ITGA4: variants seen among roughly 807,000 people sequenced by gnomAD.
The protein encoded by ITGA4 is integrin alpha-4.
A neutral mutation model predicts 133.6 loss-of-function variants in ITGA4; 63 were observed. The observed-to-expected ratio is 0.47, with a 90% CI of 0.38 to 0.58. ITGA4 has a LOEUF of 0.58. ITGA4 is among the 20% of genes least tolerant of loss of function. The pLI is 0.00. For synonymous variants in ITGA4, 483 were observed against 438.0 expected (o/e 1.10, Z -1.28); for missense variants, 1,076 against 1,252.7 (o/e 0.86, Z 2.13).
rs1483470403 is a variant in ITGA4 at position 181,459,816 on chromosome 2, C to G, written c.319+1499C>G. ...AGCAATTTTATTTCTGTTGTCCTGT[C>G]ATAGTTTCCTGATCCATGACATTAT... is the stretch of plus-strand genomic sequence containing the variant. On this transcript the variant is annotated intron_variant, in intron 2 of 27. Coordinates refer to ENST00000397033, the MANE Select transcript of ITGA4 (RefSeq NM_000885.6). 2.6e-5 allele frequency among the ~76,000 whole-genome samples: 4 copies of G among 152,282 alleles called. No homozygotes were observed. The East Asian group carries it at 7.7e-4, about 29-fold the overall frequency.
chr2:181,480,270 C>G lies in ITGA4; in HGVS notation c.754+4C>G. 1.4e-6 allele frequency: 2 copies of G among 1,383,928 alleles called. No individual in the cohort carries two copies. Among genetic ancestry groups the G allele is most frequent in the East Asian group, 4.9e-5 (2 of 41,062 alleles). The allele number at this position is 1,383,928 out of a possible 1,614,324, so 85.7% of individuals were successfully genotyped here. ...GTAAAATTTGGAAGTTATTTAGGTA[C>G]TATAAAAATTGACAAACTTAAATGA... On this transcript the variant is annotated splice_donor_region_variant and intron_variant, in intron 6 of 27. Coordinates refer to ENST00000397033, the MANE Select transcript of ITGA4 (RefSeq NM_000885.6).
chr2:181,502,504 A>G (rs893782118), intron 15 of ITGA4, among the ~76,000 whole-genome samples: 2 of 152,150 alleles, frequency 1.3e-5, no homozygotes, highest in Non-Finnish European at 2.9e-5. Context: ...GATTAAATGT[A>G]CAAGTGAAAG....
intron 24 of ITGA4, 65 bp from the exon 25 acceptor site, chr2:181,531,592 A>G: frequency 1.1e-6 from 1 of 899,912 alleles, no homozygotes; most frequent in Non-Finnish European, 1.6e-6. Flanking sequence ...ATTCTATATA[A>G]AATATTTTAA....
At chr2:181,475,893 C>A in intron 4 of ITGA4, 1 of 1,567,918 alleles carries the variant, frequency 6.4e-7, no homozygotes, top group South Asian at 1.2e-5. Flanking sequence ...CAGAGCATGT[C>A]AGAGGATATC....
rs1290662662 is a variant in ITGA4 at position 181,536,005 on chromosome 2, AT to A, written c.*482del. The A allele has an allele frequency of 6.6e-6, 1 of 152,010 alleles. No individual in the cohort carries two copies. Among genetic ancestry groups the A allele is most frequent in the Non-Finnish European group, 1.5e-5 (1 of 68,000 alleles). 9.4% of individuals were successfully genotyped at this position (152,010 alleles called of 1,614,324 possible). On this transcript the variant is annotated 3_prime_UTR_variant, in exon 28 of 28. Coordinates refer to ENST00000397033, the MANE Select transcript of ITGA4 (RefSeq NM_000885.6). ...TAATTTTTTAGAGAGCTGTTCCCAA[AT>A]TTTCTAACGAGTGGACCATTATCAC...
chr2:181,482,988 T>A (rs556999343), intron 9 of ITGA4, among the ~76,000 whole-genome samples: 1 of 152,126 alleles, frequency 6.6e-6, no homozygotes, highest in South Asian at 2.1e-4. Context: ...CTTCAAAATG[T>A]AGATTTCTTA....
At chr2:181,482,453 G>A (rs1286430101) in intron 8 of ITGA4, 31 bp downstream of exon 8, 10 of 1,613,352 alleles carry the variant, frequency 6.2e-6, no homozygotes, top group Non-Finnish European at 8.5e-6. Context: ...GTATCTCTGT[G>A]GGCTTTTGCG....
At chr2:181,484,972 A>G (rs1006135038) in intron 9 of ITGA4, among the ~76,000 whole-genome samples, 6 of 152,314 alleles carry the variant, frequency 3.9e-5, no homozygotes, top group Middle Eastern at 3.4e-3. Context: ...TTTTAATACA[A>G]AAGACTGACA....
At chr2:181,515,308 C>T (rs1461008135) in intron 17 of ITGA4, among the ~76,000 whole-genome samples, 2 of 152,074 alleles carry the variant, frequency 1.3e-5, no homozygotes, top group Non-Finnish European at 2.9e-5. Flanking sequence ...AGTACCGACT[C>T]ATTAAGGTTG....
At chr2:181,513,489 C>T (rs777195374) in intron 17 of ITGA4, among the ~76,000 whole-genome samples, 1 of 152,030 alleles carries the variant, frequency 6.6e-6, no homozygotes, top group Non-Finnish European at 1.5e-5. Flanking sequence ...TCTTTCTTAT[C>T]CATCATGCTT....
chr2:181,471,509 C>A (rs1481234300), intron 2 of ITGA4, among the ~76,000 whole-genome samples: 1 of 152,124 alleles, frequency 6.6e-6, no homozygotes. Context: ...GTCTAAGAAC[C>A]CTTGAGTGCT....
intron 20 of ITGA4, among the ~76,000 whole-genome samples, chr2:181,524,839 C>T (rs907265041): frequency 6.6e-6 from 1 of 151,918 alleles, no homozygotes; most frequent in Non-Finnish European, 1.5e-5. Context: ...TGCAAAAATA[C>T]TTCTTCAACC....
chr2:181,487,634 ATGT>A (rs748593185), intron 10 of ITGA4, among the ~76,000 whole-genome samples: 8 of 152,196 alleles, frequency 5.3e-5, no homozygotes, highest in Admixed American at 1.3e-4. Flanking sequence ...AAAAAATAAA[ATGT>A]TATTATGCTT....
chr2:181,461,977 ATAT>A (rs1026810943), intron 2 of ITGA4, among the ~76,000 whole-genome samples: 11 of 152,208 alleles, frequency 7.2e-5, no homozygotes, highest in Middle Eastern at 3.4e-3. Flanking sequence ...TGATTACATA[ATAT>A]TTTGGATTTA....
chr2:181,495,564 T>C lies in ITGA4; in HGVS notation c.1385+148T>C. ...ATTATTGATTTTTAGGGTATTTTTT[T>C]CACCTTACAGAGATATAATTAAATC... On this transcript the variant is annotated intron_variant, in intron 13 of 27. Transcript: ENST00000397033. This position sits in a 1 kb window ranked among gnomAD's most constrained non-coding sequence, Gnocchi z 4.3. 1.4e-6 allele frequency: 1 copy of C among 737,240 alleles called. No homozygotes were observed. Among genetic ancestry groups the C allele is most frequent in the Non-Finnish European group, 2.3e-6 (1 of 437,666 alleles). 45.7% of individuals were successfully genotyped at this position (737,240 alleles called of 1,614,324 possible). A position where few individuals can be genotyped will look rare whatever the true frequency, so the allele number is the denominator to read the frequency against.
intron 15 of ITGA4, among the ~76,000 whole-genome samples, chr2:181,501,755 T>C (rs1215004120): frequency 1.3e-5 from 2 of 152,108 alleles, no homozygotes; most frequent in Non-Finnish European, 2.9e-5. Context: ...TGAGACAATA[T>C]TGCAGGAGAA....
chr2:181,475,697 T>C (rs760978835), intron 4 of ITGA4: 10 of 1,300,516 alleles, frequency 7.7e-6, no homozygotes, highest in Non-Finnish European at 1.0e-5. Flanking sequence ...GAATAATCAG[T>C]GTAAGCAAAT....
In ITGA4 at chr2:181,537,570, C is replaced by A. The variant is rs2105781791; in HGVS notation, c.*2043C>A. 1 of 432,196 alleles carries A rather than the reference C, an allele frequency of 2.3e-6. No individual in the cohort carries two copies. Among genetic ancestry groups the A allele is most frequent in the Non-Finnish European group, 4.6e-6 (1 of 216,926 alleles). 26.8% of individuals were successfully genotyped at this position (432,196 alleles called of 1,614,324 possible). A position where few individuals can be genotyped will look rare whatever the true frequency, so the allele number is the denominator to read the frequency against. ...TTAGGGAGCAGTGAATCAAGGCAGA[C>A]TTATGAAATCTGTATTATATTTGTA... On this transcript the variant is annotated 3_prime_UTR_variant, in exon 28 of 28. Coordinates refer to ENST00000397033, the MANE Select transcript of ITGA4 (RefSeq NM_000885.6).
chr2:181,472,241 T>C (rs1242980175), intron 2 of ITGA4, among the ~76,000 whole-genome samples: 1 of 152,226 alleles, frequency 6.6e-6, no homozygotes, highest in Non-Finnish European at 1.5e-5. Flanking sequence ...TACAAAACAG[T>C]TCAGCTAAGA....
Sources: gnomAD v4.1 joint callset for allele counts (sites outside exome capture counted in the v4.1 genomes callset) on GRCh38, gnomAD v4.1.1 for gene constraint, Gnocchi (gnomAD v3.1) non-coding constraint, MANE v1.5 for transcripts, NCBI Gene and HGNC (gene_info 2026-07-23, HGNC 2026-07-21) for gene names.